Variants in MLLT1 observed in about 807,000 individuals in gnomAD.
MLLT1 encodes protein ENL.
In MLLT1, 11 loss-of-function variants were observed where a neutral mutation model predicts 55.1. The observed-to-expected ratio is 0.20, with a 90% CI of 0.13 to 0.33. MLLT1 has a LOEUF of 0.33. Among genes scored for constraint, MLLT1 ranks in the 10% least tolerant of loss-of-function variants. The pLI, the probability that MLLT1 is intolerant of heterozygous loss-of-function variation, is 1.00. For missense variants in MLLT1, 536 were observed against 760.6 expected (o/e 0.70, Z 3.47); for synonymous variants, 323 against 320.1 (o/e 1.01, Z -0.10).
At chr19:6,246,681 G>A (rs2091171616) in intron 3 of MLLT1, among the ~76,000 whole-genome samples, 1 of 152,122 alleles carries the variant, frequency 6.6e-6, no homozygotes, top group East Asian at 1.9e-4. Flanking sequence ...GAGTGGGGGA[G>A]GCAGAGTCCC....
At position 6,229,471 on chromosome 19, in the gene MLLT1, C is replaced by T. The variant is rs3787061; in HGVS notation, c.420+1099G>A. 0.35 allele frequency among the ~76,000 whole-genome samples: 53,257 copies of T among 151,788 alleles called. 12,216 individuals carry two copies. The highest frequency in any genetic ancestry group is 0.66 in the African/African-American group (27,188 of 41,282). ...CACCCACAGCCACGGTGCCCCAAATCCACTCAGGAGGCGACCCACCCCACC... is the reference window on the plus strand; with the variant it reads ...CACCCACAGCCACGGTGCCCCAAATTCACTCAGGAGGCGACCCACCCCACC... On this transcript the variant is annotated intron_variant, in intron 4 of 11. Coordinates refer to ENST00000252674, the MANE Select transcript of MLLT1 (RefSeq NM_005934.4). This position sits in a 1 kb window ranked among gnomAD's most constrained non-coding sequence, Gnocchi z 5.2.
In MLLT1 at chr19:6,222,465, T is replaced by TAG; in HGVS notation, c.765_766insCT (p.Met256LeufsTer4). The TAG allele has an allele frequency of 6.3e-7, 1 of 1,587,292 alleles. No individual in the cohort carries two copies. Among genetic ancestry groups the TAG allele is most frequent in the Non-Finnish European group, 8.5e-7 (1 of 1,172,352 alleles). ...TCCAGCTTGGTCTCTTTCAGGGCCA[T>TAG]CTTGGGTTCCTTGAAGGCAGCCTTG... On this transcript the variant is annotated frameshift_variant, in exon 6 of 12. Transcript: ENST00000252674. LOFTEE classifies it high-confidence loss of function. This position sits in a 1 kb window ranked among gnomAD's most constrained non-coding sequence, Gnocchi z 4.1.
At chr19:6,269,499 G>A (rs1210379123) in intron 2 of MLLT1, among the ~76,000 whole-genome samples, 1 of 152,246 alleles carries the variant, frequency 6.6e-6, no homozygotes, top group Non-Finnish European at 1.5e-5. Context: ...GAAATGCAGA[G>A]GGAAAGAGAA....
intron 6 of MLLT1, among the ~76,000 whole-genome samples, chr19:6,220,907 G>T (rs768532071): frequency 6.6e-6 from 1 of 152,184 alleles, no homozygotes; most frequent in East Asian, 1.9e-4. Flanking sequence ...CCCCCCCACC[G>T]CCTCAGGGTC....
At chr19:6,243,279 C>CCCCTG (rs1300662147) in intron 3 of MLLT1, among the ~76,000 whole-genome samples, 7 of 152,110 alleles carry the variant, frequency 4.6e-5, no homozygotes, top group Non-Finnish European at 8.8e-5. Flanking sequence ...CAGCCCCCGG[C>CCCCTG]CCCTGCCCTG....
intron 2 of MLLT1, among the ~76,000 whole-genome samples, chr19:6,264,259 C>T (rs1303656486): frequency 6.6e-6 from 1 of 152,018 alleles, no homozygotes; most frequent in East Asian, 1.9e-4. Flanking sequence ...CTCCCCACCC[C>T]AGGAAGTTTC....
At chr19:6,274,817 C>T (rs1296587254) in intron 1 of MLLT1, among the ~76,000 whole-genome samples, 11 of 152,202 alleles carry the variant, frequency 7.2e-5, no homozygotes, top group East Asian at 3.9e-4. Context: ...GGGATGGGCA[C>T]GAGCGCTCCA....
In MLLT1 at chr19:6,212,863, G is replaced by A. The variant is rs961272356; in HGVS notation, c.*179C>T. ...CCAGCCCGGCCCCAGGGCTCCTGGCGATGGAGCGGGGAGAGTGGGCAGGGA... is the reference window on the plus strand; with the variant it reads ...CCAGCCCGGCCCCAGGGCTCCTGGCAATGGAGCGGGGAGAGTGGGCAGGGA... On this transcript the variant is annotated 3_prime_UTR_variant, in exon 12 of 12. Coordinates refer to ENST00000252674, the MANE Select transcript of MLLT1 (RefSeq NM_005934.4). The A allele has an allele frequency of 4.1e-6, 4 of 971,386 alleles. No individual in the cohort carries two copies. The highest frequency in any genetic ancestry group is 2.9e-5 in the East Asian group (1 of 33,982). 60.2% of individuals were successfully genotyped at this position (971,386 alleles called of 1,614,324 possible). A position where few individuals can be genotyped will look rare whatever the true frequency, so the allele number is the denominator to read the frequency against.
At chr19:6,213,517 G>C in intron 10 of MLLT1, 109 bp from the exon 11 acceptor site, 1 of 1,116,200 alleles carries the variant, frequency 9.0e-7, no homozygotes, top group East Asian at 2.4e-5. Flanking sequence ...GACAGAGGTA[G>C]CCACATCCAA....
chr19:6,266,022 G>A (rs1427813923), intron 2 of MLLT1, among the ~76,000 whole-genome samples: 1 of 151,960 alleles, frequency 6.6e-6, no homozygotes, highest in Non-Finnish European at 1.5e-5. Context: ...GGCTCACGCC[G>A]GTAATCCCAG....
At chr19:6,237,785 T>C (rs1312293911) in intron 3 of MLLT1, among the ~76,000 whole-genome samples, 1 of 141,602 alleles carries the variant, frequency 7.1e-6, no homozygotes, top group Non-Finnish European at 1.5e-5. Flanking sequence ...AAAAAAAAGA[T>C]GCTTAAGAGA....
chr19:6,244,305 T>C (rs1169407936), intron 3 of MLLT1, among the ~76,000 whole-genome samples: 1 of 150,694 alleles, frequency 6.6e-6, no homozygotes, highest in African/African-American at 2.5e-5. Flanking sequence ...AAGAAATCCA[T>C]GAAACTCCAG....
intron 3 of MLLT1, among the ~76,000 whole-genome samples, chr19:6,252,245 G>C (rs1035857799): frequency 6.6e-6 from 1 of 152,166 alleles, no homozygotes; most frequent in Non-Finnish European, 1.5e-5. Context: ...CCAGGCTTTC[G>C]ACCTCAGACT....
intron 5 of MLLT1, among the ~76,000 whole-genome samples, chr19:6,224,109 C>G (rs1048518036): frequency 6.6e-6 from 1 of 152,200 alleles, no homozygotes; most frequent in Admixed American, 6.5e-5. Flanking sequence ...GGGACAGACT[C>G]CTCCCAGCAA....
At chr19:6,269,040 G>C (rs1317869822) in intron 2 of MLLT1, among the ~76,000 whole-genome samples, 2 of 152,182 alleles carry the variant, frequency 1.3e-5, no homozygotes, top group Non-Finnish European at 2.9e-5. Flanking sequence ...TGAGGGGGTT[G>C]GTGAAGAAGT....
Position 6,222,723 on chromosome 19 carries a change from A to G in MLLT1, c.547-39T>C. ...AGCAGGGAGGGCAAGGGGAGAGACA[A>G]GGTCACGTGGCATTGCGGGGCGCCC... On this transcript the variant is annotated intron_variant, in intron 5 of 11. Transcript: ENST00000252674. The surrounding 1 kb of genome is among the most constrained non-coding windows in gnomAD (Gnocchi z 4.1). 1 of 1,481,584 alleles carries G rather than the reference A, an allele frequency of 6.7e-7. No individual in the cohort carries two copies. Among genetic ancestry groups the G allele is most frequent in the African/African-American group, 1.4e-5 (1 of 70,962 alleles). 91.8% of individuals were successfully genotyped at this position (1,481,584 alleles called of 1,614,324 possible).
At position 6,265,167 on chromosome 19, in the gene MLLT1, G is replaced by A. The variant is rs116162336; in HGVS notation, c.194-2857C>T. 4.2e-3 allele frequency among the ~76,000 whole-genome samples: 635 copies of A among 151,854 alleles called. 6 individuals carry two copies. The highest frequency in any genetic ancestry group is 0.015 in the African/African-American group (603 of 41,360). On this transcript the variant is annotated intron_variant, in intron 2 of 11. Transcript: ENST00000252674. ...GGTCACATATAATGGGATGAGGACCGAATGGCATCAGACTTTCCAGAAGAT... is the reference window on the plus strand; with the variant it reads ...GGTCACATATAATGGGATGAGGACCAAATGGCATCAGACTTTCCAGAAGAT...
intron 1 of MLLT1, among the ~76,000 whole-genome samples, chr19:6,278,981 G>C (rs1039205731): frequency 1.3e-5 from 2 of 152,230 alleles, no homozygotes; most frequent in African/African-American, 2.4e-5. Context: ...CCGAAGGCCA[G>C]GGTCCTAGGG....
intron 1 of MLLT1, among the ~76,000 whole-genome samples, chr19:6,272,884 G>A (rs765069938): frequency 5.9e-5 from 9 of 152,196 alleles, no homozygotes; most frequent in Non-Finnish European, 1.2e-4. Flanking sequence ...AGGCGGAGGC[G>A]TGCAATTTCT....
Sources: allele counts gnomAD v4.1 joint callset (sites outside exome capture counted in the v4.1 genomes callset), GRCh38; gene constraint gnomAD v4.1.1; non-coding constraint Gnocchi (gnomAD v3.1); transcripts MANE v1.5; gene names NCBI Gene and HGNC (gene_info 2026-07-23, HGNC 2026-07-21).